Variants in MEF2D observed in about 807,000 individuals in gnomAD.
The protein encoded by MEF2D is myocyte-specific enhancer factor 2D.
In MEF2D, 10 loss-of-function variants were observed where a neutral mutation model predicts 59.3. The observed-to-expected ratio is 0.17, with a 90% CI of 0.10 to 0.29. The LOEUF (loss-of-function observed/expected upper bound fraction) is 0.29. MEF2D is among the 10% of genes least tolerant of loss of function. The probability of loss-of-function intolerance (pLI) is 1.00; values close to 1 mark genes in which losing one functional copy is unlikely to be tolerated. For missense variants in MEF2D, 508 were observed against 699.4 expected (o/e 0.73, Z 3.09); for synonymous variants, 305 against 295.0 (o/e 1.03, Z -0.35).
At position 156,468,761 on chromosome 1, in the gene MEF2D, C is replaced by T. The variant is rs1557875310; in HGVS notation, c.1247+19G>A. 2 of 1,600,328 alleles carry T rather than the reference C, an allele frequency of 1.2e-6. No individual in the cohort carries two copies. The highest frequency in any genetic ancestry group is 1.1e-5 in the South Asian group (1 of 90,658). On this transcript the variant is annotated intron_variant, in intron 10 of 11. Transcript: ENST00000348159. This position sits in a 1 kb window ranked among gnomAD's most constrained non-coding sequence, Gnocchi z 4.3. ...TTCTCCCTTCCCACACACTCACATG[C>T]AGTCTCCCCAGGACTCACATGAGGT...
intron 2 of MEF2D, among the ~76,000 whole-genome samples, 168 bp downstream of exon 2, chr1:156,483,071 G>A (rs1033665486): frequency 5.9e-5 from 9 of 152,186 alleles, no homozygotes; most frequent in African/African-American, 1.9e-4. Flanking sequence ...AGAGCTCCAA[G>A]AGCTGCGAAG....
At chr1:156,496,190 C>T (rs1025003507) in intron 1 of MEF2D, among the ~76,000 whole-genome samples, 5 of 152,178 alleles carry the variant, frequency 3.3e-5, no homozygotes, top group Admixed American at 6.5e-5. Context: ...TTGGGGATCA[C>T]CTAGGCCAAG....
At chr1:156,485,522 CTTTTTTTT>C (rs60165062) in intron 1 of MEF2D, among the ~76,000 whole-genome samples, 1 of 131,808 alleles carries the variant, frequency 7.6e-6, no homozygotes, top group Non-Finnish European at 1.6e-5. Context: ...TCTCCTTCTT[CTTTTTTTT>C]TTTTTTTTTT....
At chr1:156,499,744 G>C (rs1176205086) in intron 1 of MEF2D, among the ~76,000 whole-genome samples, 1 of 152,104 alleles carries the variant, frequency 6.6e-6, no homozygotes, top group African/African-American at 2.4e-5. Flanking sequence ...CTTCTGGCCA[G>C]GGAGTTCTCC....
At chr1:156,487,702 A>G (rs1672461479) in intron 1 of MEF2D, among the ~76,000 whole-genome samples, 1 of 152,116 alleles carries the variant, frequency 6.6e-6, no homozygotes, top group South Asian at 2.1e-4. Flanking sequence ...TTTAATGAAC[A>G]CCTGGACCTC....
intron 3 of MEF2D, among the ~76,000 whole-genome samples, chr1:156,481,421 C>T (rs780470676): frequency 1.3e-4 from 20 of 151,984 alleles, no homozygotes; most frequent in Non-Finnish European, 2.4e-4. Context: ...TCCCTGGGCT[C>T]TGCTTAGGAG....
rs759497169 is a variant in MEF2D, at chr1:156,480,598, C to T, written c.396+236G>A. The T allele has an allele frequency of 1.3e-5, 19 of 1,515,912 alleles. No individual in the cohort carries two copies. In the Admixed American group the frequency reaches 3.3e-4, roughly 27 times the overall value. 93.9% of individuals were successfully genotyped at this position (1,515,912 alleles called of 1,614,324 possible). A position where few individuals can be genotyped will look rare whatever the true frequency, so the allele number is the denominator to read the frequency against. On this transcript the variant is annotated intron_variant, in intron 4 of 11. Coordinates refer to ENST00000348159, the MANE Select transcript of MEF2D (RefSeq NM_005920.4). ...GCAGCCGAGAGCCAGGGCGCGAAGC[C>T]ACACCATGCACCACAGGGAGGCTCT...
At chr1:156,498,263 G>C (rs1302365441) in intron 1 of MEF2D, among the ~76,000 whole-genome samples, 1 of 152,014 alleles carries the variant, frequency 6.6e-6, no homozygotes, top group Admixed American at 6.5e-5. Flanking sequence ...GCACAGAGTG[G>C]GGTGGACACG....
In MEF2D at chr1:156,475,101, C is replaced by T. The variant is rs140151313; in HGVS notation, c.1006+7G>A. 2 of 1,614,170 alleles carry T rather than the reference C, an allele frequency of 1.2e-6. No homozygotes were observed. Among genetic ancestry groups the T allele is most frequent in the Non-Finnish European group, 1.7e-6 (2 of 1,179,996 alleles). ...TGCACACATGCACATGTCACATGAACACTCACCTGTGTTGTAGGCAGTGGG... is the reference window on the plus strand; with the variant it reads ...TGCACACATGCACATGTCACATGAATACTCACCTGTGTTGTAGGCAGTGGG... On this transcript the variant is annotated splice_region_variant and intron_variant, in intron 9 of 11. Coordinates refer to ENST00000348159, the MANE Select transcript of MEF2D (RefSeq NM_005920.4).
chr1:156,467,222 GTTT>G lies in MEF2D; in HGVS notation c.*420_*422del, dbSNP rs1318078937. 1 of 111,738 alleles carries G rather than the reference GTTT, an allele frequency of 8.9e-6. No homozygotes were observed. Among genetic ancestry groups the G allele is most frequent in the East Asian group, 3.0e-4 (1 of 3,386 alleles). The allele number at this position is 111,738 out of a possible 1,614,324, so 6.9% of individuals were successfully genotyped here. On this transcript the variant is annotated 3_prime_UTR_variant, in exon 12 of 12. Coordinates refer to ENST00000348159, the MANE Select transcript of MEF2D (RefSeq NM_005920.4). The stretch of plus-strand genomic sequence containing the variant: ...GAGTGTGGGTTTCTGTTGTTTGGTA[GTTT>G]TTTGGTTATTTCCCTCTATCTGGGG...
chr1:156,470,777 C>G (rs142494610), intron 9 of MEF2D, among the ~76,000 whole-genome samples: 1 of 152,124 alleles, frequency 6.6e-6, no homozygotes, highest in Non-Finnish European at 1.5e-5. Flanking sequence ...ACACAAAAAG[C>G]ATGTAGAACA....
chr1:156,485,213 C>T lies in MEF2D; in HGVS notation c.-138-1783G>A, dbSNP rs973433005. Among the ~76,000 whole-genome samples, 3 of 152,250 alleles carry T rather than the reference C, an allele frequency of 2.0e-5. No individual in the cohort carries two copies. In the South Asian group the frequency reaches 6.2e-4, roughly 32 times the overall value. The stretch of plus-strand genomic sequence containing the variant: ...TTGATGACAGAGAACAACTCTTACC[C>T]CTACCCCCCAGCTCCCACTGCCAAT... On this transcript the variant is annotated intron_variant, in intron 1 of 11. Coordinates refer to ENST00000348159, the MANE Select transcript of MEF2D (RefSeq NM_005920.4).
chr1:156,493,703 G>C (rs1221768803), intron 1 of MEF2D, among the ~76,000 whole-genome samples: 13 of 152,160 alleles, frequency 8.5e-5, no homozygotes, highest in Admixed American at 8.5e-4. Flanking sequence ...ATTTTTGCCA[G>C]CAAGGACCTC....
chr1:156,470,641 G>A (rs1671180572), intron 9 of MEF2D, among the ~76,000 whole-genome samples: 1 of 152,080 alleles, frequency 6.6e-6, no homozygotes, highest in African/African-American at 2.4e-5. Context: ...GAGCTATGAG[G>A]TCAAACTTCC....
intron 6 of MEF2D, 80 bp downstream of exon 6, chr1:156,479,210 C>T (rs1012656084): frequency 6.6e-6 from 8 of 1,203,602 alleles, no homozygotes; most frequent in African/African-American, 6.2e-5. Context: ...TCATCTAGGT[C>T]GTTCCTGATC....
chr1:156,483,086 T>C (rs559821613), intron 2 of MEF2D, among the ~76,000 whole-genome samples, 153 bp downstream of exon 2: 2 of 152,218 alleles, frequency 1.3e-5, no homozygotes, highest in South Asian at 4.1e-4. Context: ...GCGAAGAGGT[T>C]GGGGTTCCTC....
Position 156,479,490 on chromosome 1 carries a change from G to T in MEF2D, c.607+96C>A, listed in dbSNP as rs1671841288. The T allele has an allele frequency of 2.7e-6, 4 of 1,502,404 alleles. No individual in the cohort carries two copies. In the South Asian group the frequency reaches 3.6e-5, roughly 14 times the overall value. 93.1% of individuals were successfully genotyped at this position (1,502,404 alleles called of 1,614,324 possible). On this transcript the variant is annotated intron_variant, in intron 5 of 11. Coordinates refer to ENST00000348159, the MANE Select transcript of MEF2D (RefSeq NM_005920.4). ...GCCATACAAATGGCGGAATGCTGTGGTGGGTGAAGAGAAATACTTGCTGTT... is the reference window on the plus strand; with the variant it reads ...GCCATACAAATGGCGGAATGCTGTGTTGGGTGAAGAGAAATACTTGCTGTT...
Position 156,482,380 on chromosome 1 carries a change from C to A in MEF2D, c.258+57G>T. 3 of 1,584,050 alleles carry A rather than the reference C, an allele frequency of 1.9e-6. No individual in the cohort carries two copies. The South Asian group carries it at 3.3e-5, about 18-fold the overall frequency. On this transcript the variant is annotated intron_variant, in intron 3 of 11. Coordinates refer to ENST00000348159, the MANE Select transcript of MEF2D (RefSeq NM_005920.4). The stretch of plus-strand genomic sequence containing the variant: ...TCTGCGTGTACATGCAACGTGGGCA[C>A]GTGTCCATGTGGATGCAGGCGGGGG...
intron 11 of MEF2D, 74 bp downstream of exon 11, chr1:156,467,919 C>T: frequency 6.6e-7 from 1 of 1,511,232 alleles, no homozygotes; most frequent in Non-Finnish European, 8.9e-7. Context: ...GGAAATAAAA[C>T]AGGTTAGGGG....
Sources: gnomAD v4.1 joint callset for allele counts (sites outside exome capture counted in the v4.1 genomes callset) on GRCh38, gnomAD v4.1.1 for gene constraint, Gnocchi (gnomAD v3.1) non-coding constraint, MANE v1.5 for transcripts, NCBI Gene and HGNC (gene_info 2026-07-23, HGNC 2026-07-21) for gene names.